Variants in CDKN2B-AS1 observed in about 807,000 individuals in gnomAD.
CDKN2B-AS1 encodes CDKN2B and CDKN2A antisense cis and trans regulatory RNA 1, also known as CDKN2B antisense RNA 1 (non-protein coding).
intron 1 of CDKN2B-AS1, among the ~76,000 whole-genome samples, chr9:22,019,450 G>A (rs1821927589): frequency 6.6e-6 from 1 of 152,150 alleles, no homozygotes; most frequent in South Asian, 2.1e-4. Flanking sequence ...ACTTAGCAAT[G>A]AACTGGAGAT....
At chr9:22,092,064 C>T (rs1416978499) in intron 4 of CDKN2B-AS1, among the ~76,000 whole-genome samples, 2 of 152,174 alleles carry the variant, frequency 1.3e-5, no homozygotes, top group African/African-American at 4.8e-5. Context: ...GCCTTTTCTG[C>T]ATCCGTTGAG....
chr9:22,032,995 G>A (rs960900991), intron 1 of CDKN2B-AS1: 16 of 152,108 alleles, frequency 1.1e-4, no homozygotes, highest in African/African-American at 3.9e-4. Flanking sequence ...AGGTGAGCAA[G>A]CATTACTGCT....
chr9:22,069,473 T>C (rs1255332157), intron 4 of CDKN2B-AS1, among the ~76,000 whole-genome samples: 1 of 152,200 alleles, frequency 6.6e-6, no homozygotes, highest in Non-Finnish European at 1.5e-5. Flanking sequence ...CACTGAGAGA[T>C]ATACGATTGT....
chr9:22,051,208 A>G (rs144869747), intron 3 of CDKN2B-AS1, among the ~76,000 whole-genome samples: 1 of 152,126 alleles, frequency 6.6e-6, no homozygotes, highest in African/African-American at 2.4e-5. Context: ...TGAAAGAGAC[A>G]TTTTGTTGCT....
chr9:22,125,191 C>A (rs1242587332), intron 4 of CDKN2B-AS1, among the ~76,000 whole-genome samples: 1 of 152,048 alleles, frequency 6.6e-6, no homozygotes, highest in African/African-American at 2.4e-5. Context: ...TCAGGAAAAT[C>A]AAATCAAAAT....
intron 1 of CDKN2B-AS1, among the ~76,000 whole-genome samples, chr9:22,040,741 C>T (rs2131263619): frequency 6.6e-6 from 1 of 152,112 alleles, no homozygotes; most frequent in African/African-American, 2.4e-5. Context: ...ATCATGATAG[C>T]CACACTCACA....
At chr9:22,015,783 C>T (rs143070667) in intron 1 of CDKN2B-AS1, among the ~76,000 whole-genome samples, 2,868 of 152,246 alleles carry the variant, frequency 0.019, 66 homozygotes, top group African/African-American at 0.051. Flanking sequence ...TAATGATTGC[C>T]ATTCTAACTG....
At chr9:22,016,259 C>G (rs945865540) in intron 1 of CDKN2B-AS1, among the ~76,000 whole-genome samples, 1 of 152,080 alleles carries the variant, frequency 6.6e-6, no homozygotes, top group African/African-American at 2.4e-5. Flanking sequence ...AGGACCTCTT[C>G]AAGGAGAACT....
At chr9:22,026,627 C>T (rs73652824) in intron 1 of CDKN2B-AS1, among the ~76,000 whole-genome samples, 5,876 of 152,272 alleles carry the variant, frequency 0.039, 305 homozygotes, top group African/African-American at 0.12. Context: ...ACCTTCTCTG[C>T]TGATCTCGCT....
intron 1 of CDKN2B-AS1, among the ~76,000 whole-genome samples, chr9:22,016,303 C>T (rs1033694588): frequency 2.6e-5 from 4 of 152,090 alleles, no homozygotes; most frequent in Non-Finnish European, 5.9e-5. Flanking sequence ...AAAGAGGATA[C>T]AAACAAATGG....
Position 22,072,570 on chromosome 9 carries a change from A to G in CDKN2B-AS1, n.438+16183A>G, listed in dbSNP as rs548618700. Among the ~76,000 whole-genome samples the G allele has an allele frequency of 9.8e-5, 15 of 152,332 alleles. 1 individual carries two copies. The South Asian group carries it at 1.7e-3, about 17-fold the overall frequency. On this transcript the variant is annotated intron_variant and non_coding_transcript_variant, in intron 4 of 4. Coordinates refer to ENST00000650946, the Ensembl canonical transcript of CDKN2B-AS1. Reference sequence around the variant, plus strand: ...TGTCATCAGTCAAAGGGGAATAGTGATATCTCCCTCTAAGGGTTGTACAAC... The same window carrying G: ...TGTCATCAGTCAAAGGGGAATAGTGGTATCTCCCTCTAAGGGTTGTACAAC...
At chr9:22,084,786 G>C (rs79430998) in intron 4 of CDKN2B-AS1, among the ~76,000 whole-genome samples, 2,092 of 152,216 alleles carry the variant, frequency 0.014, 39 homozygotes, top group African/African-American at 0.048. Flanking sequence ...AGAATGAGTA[G>C]GGCTGTGAAA....
intron 3 of CDKN2B-AS1, among the ~76,000 whole-genome samples, chr9:22,053,994 C>A (rs1168659498): frequency 6.6e-6 from 1 of 152,088 alleles, no homozygotes; most frequent in Non-Finnish European, 1.5e-5. Context: ...AACTGTGTGA[C>A]CTGGGATAAG....
At chr9:22,114,446 C>T (rs975926729) in intron 4 of CDKN2B-AS1, among the ~76,000 whole-genome samples, 1 of 152,112 alleles carries the variant, frequency 6.6e-6, no homozygotes, top group African/African-American at 2.4e-5. Flanking sequence ...TGGAGAGGTA[C>T]ATAGAGGAGC....
At position 22,005,803 on chromosome 9, in the gene CDKN2B-AS1, C is replaced by G; in HGVS notation, n.29+10642C>G. 2.7e-6 allele frequency: 2 copies of G among 748,612 alleles called. No homozygotes were observed. Among genetic ancestry groups the G allele is most frequent in the Non-Finnish European group, 4.4e-6 (2 of 457,572 alleles). 46.4% of individuals were successfully genotyped at this position (748,612 alleles called of 1,614,324 possible). On this transcript the variant is annotated intron_variant and non_coding_transcript_variant, in intron 1 of 4. Transcript: ENST00000650946. The surrounding 1 kb of genome is among the most constrained non-coding windows in gnomAD (Gnocchi z 4.9). ...GGTGAGTGTCGAGGGCCAGATAAGA[C>G]AAAGAAAAAAATGTATGGAAGGTTA...
chr9:22,101,974 C>T (rs1183990536), intron 4 of CDKN2B-AS1, among the ~76,000 whole-genome samples: 1 of 152,154 alleles, frequency 6.6e-6, no homozygotes, highest in African/African-American at 2.4e-5. Context: ...CCGTTAGCTC[C>T]AGAGACTGCA....
chr9:22,002,738 G>A (rs967162477), intron 1 of CDKN2B-AS1, among the ~76,000 whole-genome samples: 3 of 151,840 alleles, frequency 2.0e-5, no homozygotes, highest in Non-Finnish European at 4.4e-5. Context: ...TATCAGTCTC[G>A]AGCTCTCCTC....
chr9:22,071,007 A>G (rs967098990), intron 4 of CDKN2B-AS1, among the ~76,000 whole-genome samples: 1 of 152,104 alleles, frequency 6.6e-6, no homozygotes, highest in Admixed American at 6.6e-5. Flanking sequence ...GGGGAAGATT[A>G]GGTCCTGGTG....
intron 4 of CDKN2B-AS1, among the ~76,000 whole-genome samples, chr9:22,124,234 C>G (rs368431157): frequency 3.3e-5 from 5 of 152,142 alleles, no homozygotes; most frequent in African/African-American, 1.2e-4. Context: ...GATGTAAAGT[C>G]TGGTCTTTTT....
Sources: gnomAD v4.1 joint callset for allele counts (sites outside exome capture counted in the v4.1 genomes callset) on GRCh38, gnomAD v4.1.1 for gene constraint, Gnocchi (gnomAD v3.1) non-coding constraint, MANE v1.5 for transcripts, NCBI Gene and HGNC (gene_info 2026-07-23, HGNC 2026-07-21) for gene names.